HORMAD2: variants seen among roughly 807,000 people sequenced by gnomAD.
The protein encoded by HORMAD2 is HORMA domain containing 2.
In HORMAD2, 45 loss-of-function variants were observed where a neutral mutation model predicts 38.8. The ratio of observed to expected loss-of-function variants is 1.16; its 90% CI spans 0.91 to 1.49. HORMAD2 has a LOEUF of 1.49. Among genes scored for constraint, HORMAD2 ranks in the 40% most tolerant of loss-of-function variants. The pLI, the probability that HORMAD2 is intolerant of heterozygous loss-of-function variation, is 0.00. For missense variants in HORMAD2, 338 were observed against 367.0 expected, an observed-to-expected ratio of 0.92 and a Z score of 0.65; for synonymous variants, 126 against 122.8, an observed-to-expected ratio of 1.03 and a Z score of -0.17.
At chr22:30,154,042 A>G (rs1475462045) in intron 10 of HORMAD2, among the ~76,000 whole-genome samples, 2 of 152,186 alleles carry the variant, frequency 1.3e-5, no homozygotes, top group Non-Finnish European at 2.9e-5. Context: ...TATGGCTTTT[A>G]AGGCCATACC....
intron 7 of HORMAD2, among the ~76,000 whole-genome samples, chr22:30,115,342 A>G (rs1403861946): frequency 6.6e-6 from 1 of 152,120 alleles, no homozygotes; most frequent in Non-Finnish European, 1.5e-5. Context: ...GGCTGGTCTC[A>G]AAGGATCCCC....
chr22:30,156,175 C>T (rs926863422), intron 10 of HORMAD2, among the ~76,000 whole-genome samples: 25 of 152,350 alleles, frequency 1.6e-4, no homozygotes, highest in African/African-American at 6.0e-4. Flanking sequence ...TTAGCTTGCT[C>T]TGCCCCACCT....
intron 8 of HORMAD2, among the ~76,000 whole-genome samples, chr22:30,120,636 TA>T (rs5844895): frequency 0.059 from 8,948 of 152,240 alleles, 484 homozygotes; most frequent in South Asian, 0.22. Flanking sequence ...ATTCATTCAT[TA>T]ATTCAACAAA....
intron 10 of HORMAD2, among the ~76,000 whole-genome samples, chr22:30,164,117 A>G (rs1414067389): frequency 2.6e-5 from 4 of 152,214 alleles, no homozygotes; most frequent in African/African-American, 9.6e-5. Flanking sequence ...ATGTTTGAGC[A>G]TGTATCAGAA....
At chr22:30,196,624 TG>T in the HORMAD2 span, among the ~76,000 whole-genome samples, 1 of 152,202 alleles carries the variant, frequency 6.6e-6, no homozygotes, top group Non-Finnish European at 1.5e-5. Context: ...GGGCCAGGTC[TG>T]GGCTGAAGGG....
rs1569123611 is a variant in HORMAD2, at chr22:30,176,031, T to C, written c.820-32T>C. The C allele has an allele frequency of 5.0e-6, 7 of 1,410,766 alleles. No homozygotes were observed. In the African/African-American group the frequency reaches 5.6e-5, roughly 11 times the overall value. The allele number at this position is 1,410,766 out of a possible 1,614,324, so 87.4% of individuals were successfully genotyped here. ...CTTGTGCAGATGTCAAAATCTCTGC[T>C]GAATTGTGCCTCTCTCTGGTGATTC... On this transcript the variant is annotated intron_variant, in intron 10 of 10. Transcript: ENST00000336726.
intron 6 of HORMAD2, 103 bp from the exon 7 acceptor site, chr22:30,112,393 C>A: frequency 1.6e-6 from 1 of 644,278 alleles, no homozygotes; most frequent in Non-Finnish European, 2.7e-6. Flanking sequence ...TGTCTGTACT[C>A]AACTAATAGA....
intron 1 of HORMAD2, among the ~76,000 whole-genome samples, chr22:30,081,804 C>G (rs928003217): frequency 1.3e-5 from 2 of 152,000 alleles, no homozygotes; most frequent in Non-Finnish European, 2.9e-5. Context: ...CCAGGATAGT[C>G]TCGATCTCTT....
upstream of HORMAD2, among the ~76,000 whole-genome samples, chr22:30,078,631 A>AAT (rs2068417206): frequency 6.7e-6 from 1 of 150,194 alleles, no homozygotes; most frequent in South Asian, 2.1e-4. Flanking sequence ...AAAAAAAAAA[A>AAT]AAAAAATTAG....
chr22:30,158,617 C>T (rs1397724046), intron 10 of HORMAD2, among the ~76,000 whole-genome samples: 2 of 123,164 alleles, frequency 1.6e-5, no homozygotes, highest in African/African-American at 3.0e-5. Flanking sequence ...CTCCGTCCCT[C>T]CCTCCCTCCC....
At chr22:30,098,823 A>C (rs1484327098) in intron 2 of HORMAD2, 29 bp from the exon 3 acceptor site, 1 of 1,592,490 alleles carries the variant, frequency 6.3e-7, no homozygotes, top group Admixed American at 1.7e-5. Flanking sequence ...AATAATACTA[A>C]TCTTTTTTCA....
downstream of HORMAD2, among the ~76,000 whole-genome samples, chr22:30,177,974 C>G (rs1411680021): frequency 6.6e-6 from 1 of 151,826 alleles, no homozygotes; most frequent in Non-Finnish European, 1.5e-5. Flanking sequence ...GCCACCACAC[C>G]CAGCCCAGGA....
At chr22:30,100,531 A>G (rs1174327662) in intron 3 of HORMAD2, among the ~76,000 whole-genome samples, 1 of 152,236 alleles carries the variant, frequency 6.6e-6, no homozygotes, top group African/African-American at 2.4e-5. Context: ...ATGGGCAAAG[A>G]CTTCATGACT....
At chr22:30,174,724 G>A (rs1926327309) in intron 10 of HORMAD2, among the ~76,000 whole-genome samples, 1 of 152,118 alleles carries the variant, frequency 6.6e-6, no homozygotes, top group East Asian at 1.9e-4. Context: ...TGAATGGAAA[G>A]CATGGCCAAG....
chr22:30,134,971 T>A (rs1923558711), intron 10 of HORMAD2, among the ~76,000 whole-genome samples: 1 of 152,132 alleles, frequency 6.6e-6, no homozygotes, highest in Admixed American at 6.5e-5. Flanking sequence ...ACAACAACTT[T>A]GCGTGATATT....
intron 10 of HORMAD2, among the ~76,000 whole-genome samples, chr22:30,170,365 C>T (rs942789975): frequency 3.3e-5 from 5 of 152,138 alleles, no homozygotes; most frequent in Non-Finnish European, 4.4e-5. Flanking sequence ...AAACAAGTAC[C>T]GTGCCCTGAA....
chr22:30,122,218 A>G lies in HORMAD2; in HGVS notation c.819+4A>G. On this transcript the variant is annotated splice_donor_region_variant and intron_variant, in intron 10 of 10. Coordinates refer to ENST00000336726, the MANE Select transcript of HORMAD2 (RefSeq NM_152510.4). ...GGAAGAAGAATGCAATGACCATGTAAGGCAAAGCTTTAGAGATTTTCTATC... is the reference window on the plus strand; with the variant it reads ...GGAAGAAGAATGCAATGACCATGTAGGGCAAAGCTTTAGAGATTTTCTATC... 1 of 1,604,460 alleles carries G rather than the reference A, an allele frequency of 6.2e-7. No homozygotes were observed. Among genetic ancestry groups the G allele is most frequent in the South Asian group, 1.1e-5 (1 of 89,666 alleles).
At chr22:30,129,546 C>G (rs1216158083) in intron 10 of HORMAD2, among the ~76,000 whole-genome samples, 5 of 152,066 alleles carry the variant, frequency 3.3e-5, no homozygotes, top group Non-Finnish European at 7.4e-5. Context: ...GAGAAATTAG[C>G]CCAAGACTCC....
At chr22:30,144,162 A>G (rs1338014005) in intron 10 of HORMAD2, among the ~76,000 whole-genome samples, 2 of 152,200 alleles carry the variant, frequency 1.3e-5, no homozygotes, top group Non-Finnish European at 1.5e-5. Flanking sequence ...ATTAAACACA[A>G]CTAATTGCTG....
Sources: allele counts gnomAD v4.1 joint callset (sites outside exome capture counted in the v4.1 genomes callset), GRCh38; gene constraint gnomAD v4.1.1; transcripts MANE v1.5; gene names NCBI Gene and HGNC (gene_info 2026-07-23, HGNC 2026-07-21).